C1orf185: variants seen among roughly 807,000 people sequenced by gnomAD.
C1orf185 encodes the protein uncharacterized protein C1orf185.
C1orf185 carries 13 observed loss-of-function variants against 16.1 expected under a neutral mutation model. The observed-to-expected ratio is 0.81, with a 90% CI of 0.53 to 1.28. C1orf185 has a LOEUF of 1.28. C1orf185 is among the 50% of genes most tolerant of loss of function. C1orf185 has a pLI of 0.00. For synonymous variants in C1orf185, 80 were observed against 76.9 expected (o/e 1.04, Z -0.21); for missense variants, 220 against 225.2 (o/e 0.98, Z 0.15).
At chr1:51,113,111 A>G (rs1344526298) in intron 2 of C1orf185, among the ~76,000 whole-genome samples, 1 of 151,352 alleles carries the variant, frequency 6.6e-6, no homozygotes, top group African/African-American at 2.4e-5. Context: ...GAGCCACCAC[A>G]CCCGGCCTTT....
At chr1:51,106,611 T>C (rs1249641899) in intron 1 of C1orf185, among the ~76,000 whole-genome samples, 2 of 152,080 alleles carry the variant, frequency 1.3e-5, no homozygotes, top group African/African-American at 4.8e-5. Flanking sequence ...ATTGTGCCAC[T>C]GCATTCCAGC....
chr1:51,118,896 C>A, intron 3 of C1orf185, 95 bp downstream of exon 3: 2 of 981,250 alleles, frequency 2.0e-6, no homozygotes, highest in Non-Finnish European at 2.7e-6. Context: ...GACAGAGAAT[C>A]CACTATTATT....
intron 2 of C1orf185, among the ~76,000 whole-genome samples, chr1:51,113,225 C>G (rs921736797): frequency 1.3e-5 from 2 of 152,042 alleles, no homozygotes; most frequent in Admixed American, 1.3e-4. Context: ...AGGAAAGAAA[C>G]TTTTTCTTTA....
intron 3 of C1orf185, among the ~76,000 whole-genome samples, chr1:51,141,343 T>C (rs1245441943): frequency 1.3e-5 from 2 of 152,106 alleles, no homozygotes; most frequent in African/African-American, 4.8e-5. Context: ...AAAAAAAAAT[T>C]AGCTGAGTGT....
intron 1 of C1orf185, 101 bp downstream of exon 1, chr1:51,102,350 G>A: frequency 1.5e-6 from 1 of 664,406 alleles, no homozygotes; most frequent in Non-Finnish European, 2.8e-6. Flanking sequence ...CTCTGGAAGA[G>A]CTTGTATAAG....
rs1305517762 is a variant in C1orf185 at position 51,147,322 on chromosome 1, C to T, written c.296-145C>T. On this transcript the variant is annotated intron_variant, in intron 4 of 4. Coordinates refer to ENST00000371759, the MANE Select transcript of C1orf185 (RefSeq NM_001136508.2). Reference sequence around the variant, plus strand: ...ATTCTTGATTATCATGAAAATATTGCTAATTCCTAATTACATATAACACTG... The same window carrying T: ...ATTCTTGATTATCATGAAAATATTGTTAATTCCTAATTACATATAACACTG... The T allele has an allele frequency of 2.6e-5, 16 of 611,210 alleles. No individual in the cohort carries two copies. The Admixed American group carries it at 5.3e-4, about 20-fold the overall frequency. The allele number at this position is 611,210 out of a possible 1,614,324, so 37.9% of individuals were successfully genotyped here.
chr1:51,140,790 T>C lies in C1orf185; in HGVS notation c.259-4934T>C, dbSNP rs979901247. ...GTTGTTCATGATATTCCCTTATTAC[T>C]TATTTAATGTATCTGATATCTATAG... On this transcript the variant is annotated intron_variant, in intron 3 of 4. Transcript: ENST00000371759. Among the ~76,000 whole-genome samples the C allele has an allele frequency of 2.6e-5, 4 of 152,236 alleles. No homozygotes were observed. The East Asian group carries it at 7.7e-4, about 29-fold the overall frequency.
At chr1:51,121,768 A>G (rs1210441102) in intron 3 of C1orf185, among the ~76,000 whole-genome samples, 1 of 152,168 alleles carries the variant, frequency 6.6e-6, no homozygotes, top group African/African-American at 2.4e-5. Flanking sequence ...TGACATACAT[A>G]CAGAAGAATA....
In C1orf185 at chr1:51,135,358, G is replaced by A. The variant is rs376654993; in HGVS notation, c.259-10366G>A. ...AGTTCAAGACCAGCCTGACCAACAT[G>A]GAGAAACCCCATCTCTACTAAAAAT... On this transcript the variant is annotated intron_variant, in intron 3 of 4. Coordinates refer to ENST00000371759, the MANE Select transcript of C1orf185 (RefSeq NM_001136508.2). Among the ~76,000 whole-genome samples the A allele has an allele frequency of 3.6e-3, 546 of 152,238 alleles. 1 individual carries two copies. Among genetic ancestry groups the A allele is most frequent in the Non-Finnish European group, 4.4e-3 (300 of 68,012 alleles).
chr1:51,125,771 T>C (rs1646235563), intron 3 of C1orf185, among the ~76,000 whole-genome samples: 1 of 151,846 alleles, frequency 6.6e-6, no homozygotes, highest in Admixed American at 6.6e-5. Context: ...AGACAGAGAG[T>C]AACTATGAAG....
chr1:51,147,615 A>G lies in C1orf185; in HGVS notation c.444A>G (p.Ile148Met), dbSNP rs949765199. ...LPSDSYYSQS[I>M]EAADDWFSDD... The stretch of plus-strand genomic sequence containing the variant: ...CTGATTCTTATTACAGCCAAAGTAT[A>G]GAAGCAGCTGATGACTGGTTTTCTG... Residue 148 changes from isoleucine to methionine, a missense_variant, in exon 5 of 5, where the codon ATA (isoleucine) becomes ATG (methionine). By Grantham distance (10) the Ile-to-Met change is conservative (BLOSUM62 1). Transcript: ENST00000371759. 1 of 1,551,622 alleles carries G rather than the reference A, an allele frequency of 6.4e-7. No individual in the cohort carries two copies. Among genetic ancestry groups the G allele is most frequent in the East Asian group, 2.4e-5 (1 of 40,908 alleles).
intron 3 of C1orf185, among the ~76,000 whole-genome samples, chr1:51,133,012 G>A (rs537705850): frequency 1.3e-5 from 2 of 152,254 alleles, no homozygotes; most frequent in African/African-American, 4.8e-5. Flanking sequence ...AGCAAATTCT[G>A]AGAGAATTCA....
downstream of C1orf185, among the ~76,000 whole-genome samples, chr1:51,148,369 C>T (rs950628948): frequency 4.6e-5 from 7 of 152,084 alleles, no homozygotes; most frequent in African/African-American, 9.7e-5. Context: ...GTGATTCACC[C>T]GCCTTGGCCT....
intron 3 of C1orf185, among the ~76,000 whole-genome samples, chr1:51,138,549 T>G (rs1646342678): frequency 6.6e-6 from 1 of 151,974 alleles, no homozygotes; most frequent in South Asian, 2.1e-4. Context: ...CCCGTCACCA[T>G]GCCCAGCTAA....
intron 3 of C1orf185, 24 bp from the exon 4 acceptor site, chr1:51,145,698 AAC>A (rs1234210603): frequency 1.6e-6 from 2 of 1,241,560 alleles, no homozygotes; most frequent in Non-Finnish European, 2.2e-6. Flanking sequence ...CTGATTTTAA[AAC>A]ACAAATAACT....
chr1:51,145,938 T>C (rs1646396015), intron 4 of C1orf185, among the ~76,000 whole-genome samples, 178 bp downstream of exon 4: 1 of 152,130 alleles, frequency 6.6e-6, no homozygotes, highest in South Asian at 2.1e-4. Flanking sequence ...AAAACAAAAC[T>C]TGCAATATCG....
chr1:51,107,979 C>A (rs939677048), intron 1 of C1orf185, among the ~76,000 whole-genome samples: 1 of 152,194 alleles, frequency 6.6e-6, no homozygotes, highest in Non-Finnish European at 1.5e-5. Flanking sequence ...TTTGTGAACA[C>A]ACATATGCTC....
intron 3 of C1orf185, among the ~76,000 whole-genome samples, chr1:51,143,228 A>C (rs954879513): frequency 5.3e-5 from 8 of 152,226 alleles, no homozygotes; most frequent in African/African-American, 1.9e-4. Context: ...TCTTTTTATC[A>C]GACTTTACTC....
At chr1:51,128,698 A>C (rs769049139) in intron 3 of C1orf185, among the ~76,000 whole-genome samples, 1 of 152,112 alleles carries the variant, frequency 6.6e-6, no homozygotes, top group African/African-American at 2.4e-5. Flanking sequence ...GTCTCCAAAA[A>C]TTAAATTAAA....
Sources: allele counts gnomAD v4.1 joint callset (sites outside exome capture counted in the v4.1 genomes callset), GRCh38; gene constraint gnomAD v4.1.1; transcripts MANE v1.5; gene names NCBI Gene and HGNC (gene_info 2026-07-23, HGNC 2026-07-21).